AFF2: variants seen among roughly 807,000 people sequenced by gnomAD.
The protein encoded by AFF2 is ALF transcription elongation factor 2.
Under a neutral mutation model 76.9 loss-of-function variants are expected in AFF2, and 14 were observed. That is an observed-to-expected ratio of 0.18 (90% CI 0.12 to 0.28). The LOEUF is 0.28. Ranked by LOEUF, AFF2 falls within the 10% of genes least tolerant of loss-of-function variation. The pLI, the probability that AFF2 is intolerant of heterozygous loss-of-function variation, is 1.00. For missense variants in AFF2, 868 were observed against 1,001.1 expected, an observed-to-expected ratio of 0.87 and a Z score of 1.79; for synonymous variants, 398 against 366.7, an observed-to-expected ratio of 1.09 and a Z score of -0.98.
rs1263945497 is a variant in AFF2 at position 148,955,859 on chromosome X, C to A, written c.1814C>A (p.Pro605Gln). The change falls in exon 11 of 21, where the codon CCA becomes CAA. Residue 605 changes from proline (P) to glutamine (Q), a missense_variant. By Grantham distance (76) the Pro-to-Gln change is moderately conservative. Around this residue, in one of 6 missense-constraint regions of AFF2, gnomAD observed 532 missense variants for 564.2 expected, o/e 0.94. Transcript: ENST00000370460. The stretch of plus-strand genomic sequence containing the variant: ...CGTCCACGGCCCACTCAGAAAATTC[C>A]AGAAACAAAGGCTTTGAAGCATAAG... ...KARPRPTQKI[P>Q]ETKALKHKLS... The A allele has an allele frequency of 3.3e-6, 4 of 1,209,586 alleles. No homozygotes were observed. The highest frequency in any genetic ancestry group is 3.4e-6 in the Non-Finnish European group (3 of 895,222).
At chrX:148,885,038 A>G (rs2071141191) in intron 7 of AFF2, among the ~76,000 whole-genome samples, 1 of 111,851 alleles carries the variant, frequency 8.9e-6, no homozygotes, top group South Asian at 3.7e-4. Flanking sequence ...TATATATAAT[A>G]AATAAAAATA....
Position 148,939,603 on chromosome X carries a change from A to G in AFF2, c.1398-13977A>G, listed in dbSNP as rs144488645. Among the ~76,000 whole-genome samples, 79 of 112,312 alleles carry G rather than the reference A, an allele frequency of 7.0e-4. 2 individuals are homozygous for G. The East Asian group carries it at 0.019, about 27-fold the overall frequency. On this transcript the variant is annotated intron_variant, in intron 9 of 20. Coordinates refer to ENST00000370460, the MANE Select transcript of AFF2 (RefSeq NM_002025.4). Reference sequence around the variant, plus strand: ...TGGCCAACATGTGCTGCAGAAGTCAACATTTCTGTCCTTAGCCAGCTAATA... The same window carrying G: ...TGGCCAACATGTGCTGCAGAAGTCAGCATTTCTGTCCTTAGCCAGCTAATA...
chrX:148,849,463 A>AT (rs3216392), intron 7 of AFF2, among the ~76,000 whole-genome samples: 113 of 79,057 alleles, frequency 1.4e-3, no homozygotes, highest in African/African-American at 4.7e-3. Context: ...ACTAGATTTC[A>AT]TTTTTTTTTT....
At chrX:148,903,830 A>G (rs1488064350) in intron 8 of AFF2, among the ~76,000 whole-genome samples, 1 of 111,467 alleles carries the variant, frequency 9.0e-6, no homozygotes, top group Non-Finnish European at 1.9e-5. Flanking sequence ...GCCCATGACC[A>G]TTCCGTCTGC....
intron 9 of AFF2, among the ~76,000 whole-genome samples, chrX:148,927,910 A>G (rs782253569): frequency 8.9e-6 from 1 of 112,173 alleles, no homozygotes; most frequent in Non-Finnish European, 1.9e-5. Context: ...CCATGTGCTG[A>G]GTTACTGAAA....
intron 7 of AFF2, among the ~76,000 whole-genome samples, chrX:148,885,491 G>A (rs1043546530): frequency 1.8e-5 from 2 of 110,929 alleles, no homozygotes; most frequent in Non-Finnish European, 3.8e-5. Context: ...CCAGAGCTAG[G>A]GATGGTTATC....
At chrX:148,684,808 T>C (rs2054585027) in intron 3 of AFF2, among the ~76,000 whole-genome samples, 1 of 112,451 alleles carries the variant, frequency 8.9e-6, no homozygotes, top group Non-Finnish European at 1.9e-5. Flanking sequence ...CTGCACATTG[T>C]CGTAGAATAA....
At chrX:148,669,926 G>A (rs781830179) in intron 3 of AFF2, among the ~76,000 whole-genome samples, 8 of 111,689 alleles carry the variant, frequency 7.2e-5, no homozygotes, top group Non-Finnish European at 9.4e-5. Context: ...TTATAGCTGT[G>A]TGGAATCTAG....
At chrX:148,860,189 C>A (rs782277939) in intron 7 of AFF2, among the ~76,000 whole-genome samples, 1 of 111,596 alleles carries the variant, frequency 9.0e-6, no homozygotes, top group Non-Finnish European at 1.9e-5. Context: ...TATCAAAATG[C>A]CGTATTTCAG....
At chrX:148,784,679 A>G (rs2069791103) in intron 3 of AFF2, among the ~76,000 whole-genome samples, 1 of 112,058 alleles carries the variant, frequency 8.9e-6, no homozygotes, top group Admixed American at 9.4e-5. Flanking sequence ...AAGCCTCTAA[A>G]TATGCATATT....
At chrX:148,946,749 G>A (rs782146800) in intron 9 of AFF2, among the ~76,000 whole-genome samples, 34 of 111,893 alleles carry the variant, frequency 3.0e-4, no homozygotes, top group Non-Finnish European at 5.8e-4. Context: ...GGCCTCCTTC[G>A]TCCATCTTCA....
intron 1 of AFF2, among the ~76,000 whole-genome samples, chrX:148,636,820 C>A (rs868982759): frequency 2.4e-4 from 26 of 110,267 alleles, no homozygotes; most frequent in South Asian, 1.2e-3. Context: ...AAAAAAAAAA[C>A]CAGACATAAA....
At chrX:148,947,382 T>C (rs1418385782) in intron 9 of AFF2, among the ~76,000 whole-genome samples, 2 of 112,093 alleles carry the variant, frequency 1.8e-5, no homozygotes, top group Non-Finnish European at 3.8e-5. Flanking sequence ...CCCAAGGAGG[T>C]AGGGAAGCTG....
chrX:148,724,875 C>G (rs192377896), intron 3 of AFF2, among the ~76,000 whole-genome samples: 12 of 112,402 alleles, frequency 1.1e-4, no homozygotes, highest in African/African-American at 3.9e-4. Flanking sequence ...GTAATTAATA[C>G]ATCATTTAGA....
At chrX:148,917,614 A>C (rs1326900157) in intron 9 of AFF2, among the ~76,000 whole-genome samples, 1 of 111,905 alleles carries the variant, frequency 8.9e-6, no homozygotes, top group Non-Finnish European at 1.9e-5. Flanking sequence ...ACTAAAAAGC[A>C]TTCAGCAGCT....
chrX:148,681,550 G>A (rs1483260502), intron 3 of AFF2, among the ~76,000 whole-genome samples: 1 of 82,679 alleles, frequency 1.2e-5, no homozygotes, highest in Admixed American at 1.2e-4. Flanking sequence ...GTGTGTGTGT[G>A]TGTGTGTGTG....
At chrX:148,507,981 A>G (rs1221608560) in intron 1 of AFF2, among the ~76,000 whole-genome samples, 2 of 112,480 alleles carry the variant, frequency 1.8e-5, no homozygotes, top group East Asian at 2.8e-4. Flanking sequence ...AAATAAAATC[A>G]GCTAATGTTT....
chrX:148,750,002 T>C (rs1313165442), intron 3 of AFF2, among the ~76,000 whole-genome samples: 1 of 106,483 alleles, frequency 9.4e-6, no homozygotes, highest in Non-Finnish European at 2.0e-5. Context: ...AGTTTCACTC[T>C]TGTTGCCCAG....
At chrX:148,660,274 TTC>T (rs1250051168) in intron 2 of AFF2, among the ~76,000 whole-genome samples, 2 of 111,702 alleles carry the variant, frequency 1.8e-5, no homozygotes, top group Non-Finnish European at 3.8e-5. Flanking sequence ...ACTGGTTTGA[TTC>T]TCTCTCTGTT....
Sources: allele counts gnomAD v4.1 joint callset (sites outside exome capture counted in the v4.1 genomes callset), GRCh38; gene constraint gnomAD v4.1.1; regional missense constraint gnomAD v4.1.1; transcripts MANE v1.5; gene names NCBI Gene and HGNC (gene_info 2026-07-23, HGNC 2026-07-21).